FRAS1: variants seen among roughly 807,000 people sequenced by gnomAD.
FRAS1 encodes the protein extracellular matrix organizing protein FRAS1.
A neutral mutation model predicts 435.2 loss-of-function variants in FRAS1; 290 were observed. That is an observed-to-expected ratio of 0.67 (90% CI 0.61 to 0.73). The LOEUF is 0.73. Ranked by LOEUF, FRAS1 falls within the 30% of genes least tolerant of loss-of-function variation. FRAS1 has a pLI of 0.00. For missense variants in FRAS1, 4,860 were observed against 5,001.5 expected (o/e 0.97, Z 0.85); for synonymous variants, 1,800 against 1,851.0 (o/e 0.97, Z 0.71).
At chr4:78,101,493 G>A (rs531213371) in intron 2 of FRAS1, among the ~76,000 whole-genome samples, 1 of 152,108 alleles carries the variant, frequency 6.6e-6, no homozygotes, top group South Asian at 2.1e-4. Context: ...TCTCCCACCT[G>A]CATTTTCCCC....
At chr4:78,496,604 C>T (rs1389341032) in intron 59 of FRAS1, among the ~76,000 whole-genome samples, 2 of 152,176 alleles carry the variant, frequency 1.3e-5, no homozygotes, top group Admixed American at 6.5e-5. Flanking sequence ...TATTCTAATA[C>T]AAGTCTCCAC....
chr4:78,420,918 A>ATT (rs1733763023), intron 33 of FRAS1, among the ~76,000 whole-genome samples: 2 of 118,908 alleles, frequency 1.7e-5, no homozygotes, highest in South Asian at 5.1e-4. Flanking sequence ...ATATATATAT[A>ATT]TATTTATATA....
At chr4:78,157,635 A>G (rs1190811689) in intron 2 of FRAS1, among the ~76,000 whole-genome samples, 2 of 152,150 alleles carry the variant, frequency 1.3e-5, no homozygotes, top group Admixed American at 6.5e-5. Context: ...GTGACTGTTC[A>G]TGTCATTTGC....
At chr4:78,448,669 CAAAT>C (rs35335124) in intron 44 of FRAS1, among the ~76,000 whole-genome samples, 97,506 of 151,558 alleles carry the variant, frequency 0.64, 32,508 homozygotes, top group Non-Finnish European at 0.74. Context: ...CCCATGGAAA[CAAAT>C]AACGAAATAT....
chr4:78,171,034 T>C (rs1039296924), intron 2 of FRAS1, among the ~76,000 whole-genome samples: 3 of 152,086 alleles, frequency 2.0e-5, no homozygotes, highest in Non-Finnish European at 4.4e-5. Flanking sequence ...AAGTTCACAA[T>C]GAACCAGCAA....
intron 2 of FRAS1, among the ~76,000 whole-genome samples, chr4:78,186,459 G>A (rs918062572): frequency 6.6e-6 from 1 of 152,140 alleles, no homozygotes; most frequent in African/African-American, 2.4e-5. Context: ...TTAATTTGGA[G>A]CCACCGTATT....
chr4:78,402,103 A>G (rs1340932886), intron 30 of FRAS1, among the ~76,000 whole-genome samples: 2 of 146,438 alleles, frequency 1.4e-5, no homozygotes, highest in African/African-American at 5.1e-5. Context: ...AATGATTTAA[A>G]GACATAAAAG....
At position 78,479,402 on chromosome 4, in the gene FRAS1, T is replaced by C; in HGVS notation, c.8127T>C (p.Ile2709=). The C allele has an allele frequency of 1.3e-6, 2 of 1,520,498 alleles. No individual in the cohort carries two copies. Among genetic ancestry groups the C allele is most frequent in the Non-Finnish European group, 1.8e-6 (2 of 1,131,072 alleles). The allele number at this position is 1,520,498 out of a possible 1,614,324, so 94.2% of individuals were successfully genotyped here. A position where few individuals can be genotyped will look rare whatever the true frequency, so the allele number is the denominator to read the frequency against. The change falls in exon 56 of 74, where the codon ATT becomes ATC. Residue 2709 remains isoleucine, a synonymous_variant. Coordinates refer to ENST00000512123, the MANE Select transcript of FRAS1 (RefSeq NM_025074.7). Reference sequence around the variant, plus strand: ...ATGCAAGCAGCATTGTATCTGCAATTTGCTACACAGTCCCTAAGTCAGCTA... The same window carrying C: ...ATGCAAGCAGCATTGTATCTGCAATCTGCTACACAGTCCCTAAGTCAGCTA... ...KGDASSIVSA[I]CYTVPKSAMG... is the part of the protein sequence containing the mutation.
chr4:78,067,356 T>G (rs1560505321), intron 2 of FRAS1, among the ~76,000 whole-genome samples: 1 of 152,266 alleles, frequency 6.6e-6, no homozygotes, highest in African/African-American at 2.4e-5. Context: ...GTTCTGCCTA[T>G]ATGTGAAAAA....
intron 37 of FRAS1, 136 bp from the exon 38 acceptor site, chr4:78,432,221 G>C (rs1019388417): frequency 2.9e-6 from 2 of 696,558 alleles, no homozygotes; most frequent in East Asian, 5.9e-5. Context: ...TATAGTAGGT[G>C]AGTGGTTGGA....
chr4:78,275,275 C>T (rs1417566493), intron 9 of FRAS1, among the ~76,000 whole-genome samples: 2 of 152,122 alleles, frequency 1.3e-5, no homozygotes, highest in African/African-American at 4.8e-5. Flanking sequence ...TCCAGTTTGC[C>T]AGTCTGTGTT....
intron 2 of FRAS1, among the ~76,000 whole-genome samples, chr4:78,124,695 A>G (rs1578140129): frequency 6.6e-6 from 1 of 152,100 alleles, no homozygotes; most frequent in African/African-American, 2.4e-5. Flanking sequence ...TTCCTGGTTT[A>G]GTCTTGGGAG....
intron 2 of FRAS1, among the ~76,000 whole-genome samples, chr4:78,182,888 GAAAAAAAGA>G (rs1722086623): frequency 7.2e-6 from 1 of 138,512 alleles, no homozygotes; most frequent in Non-Finnish European, 1.5e-5. Context: ...TCAAAAAAAA[GAAAAAAAGA>G]AAAAAAAAAA....
At chr4:78,122,149 C>T (rs941931119) in intron 2 of FRAS1, among the ~76,000 whole-genome samples, 1 of 152,106 alleles carries the variant, frequency 6.6e-6, no homozygotes, top group African/African-American at 2.4e-5. Context: ...CCCACAGGCC[C>T]CAGTGTGTGA....
At chr4:78,132,881 G>A (rs928730994) in intron 2 of FRAS1, among the ~76,000 whole-genome samples, 8 of 152,110 alleles carry the variant, frequency 5.3e-5, no homozygotes, top group African/African-American at 1.2e-4. Context: ...ATGGTTCTGC[G>A]TGTTTACATG....
At chr4:78,441,750 G>A (rs1905581) in intron 41 of FRAS1, among the ~76,000 whole-genome samples, 47,132 of 152,038 alleles carry the variant, frequency 0.31, 7,573 homozygotes, top group Non-Finnish European at 0.36. Flanking sequence ...TCCTTTTATT[G>A]TGAGGCAGCT....
At chr4:78,339,695 A>G (rs1462498513) in intron 20 of FRAS1, among the ~76,000 whole-genome samples, 1 of 152,248 alleles carries the variant, frequency 6.6e-6, no homozygotes, top group Non-Finnish European at 1.5e-5. Context: ...CATGGTTGGT[A>G]TTAAAGCATA....
intron 2 of FRAS1, among the ~76,000 whole-genome samples, chr4:78,235,107 C>A (rs1724692231): frequency 6.6e-6 from 1 of 152,134 alleles, no homozygotes; most frequent in African/African-American, 2.4e-5. Context: ...CAGGAAACCT[C>A]AGTTTTTGTG....
chr4:78,067,676 TTA>T (rs1560505521), intron 2 of FRAS1, among the ~76,000 whole-genome samples: 4 of 38,004 alleles, frequency 1.1e-4, no homozygotes, highest in African/African-American at 2.5e-4. Context: ...CTTTCTTTTA[TTA>T]TTATTATTAT....
Sources: allele counts gnomAD v4.1 joint callset (sites outside exome capture counted in the v4.1 genomes callset), GRCh38; gene constraint gnomAD v4.1.1; transcripts MANE v1.5; gene names NCBI Gene and HGNC (gene_info 2026-07-23, HGNC 2026-07-21).